NAV3: variants seen among roughly 807,000 people sequenced by gnomAD.
The protein encoded by NAV3 is neuron navigator 3.
NAV3 carries 87 observed loss-of-function variants against 244.7 expected under a neutral mutation model. The ratio of observed to expected loss-of-function variants is 0.36; its 90% CI spans 0.30 to 0.42. The LOEUF (loss-of-function observed/expected upper bound fraction) is 0.42. Ranked by LOEUF, NAV3 falls within the 20% of genes least tolerant of loss-of-function variation. NAV3 has a pLI of 1.00. For synonymous variants in NAV3, 1,126 were observed against 1,042.2 expected (o/e 1.08, Z -1.55); for missense variants, 2,663 against 2,893.3 (o/e 0.92, Z 1.83).
At chr12:77,956,160 T>C (rs1191980730) in intron 3 of NAV3, among the ~76,000 whole-genome samples, 5 of 152,208 alleles carry the variant, frequency 3.3e-5, no homozygotes, top group Non-Finnish European at 7.3e-5. Context: ...GGATAAATTC[T>C]ATGTAATTAC....
At chr12:78,067,212 T>A (rs1239069712) in intron 12 of NAV3, among the ~76,000 whole-genome samples, 1 of 152,122 alleles carries the variant, frequency 6.6e-6, no homozygotes, top group Non-Finnish European at 1.5e-5. Flanking sequence ...ATTAGTATAC[T>A]CCCATGTCTT....
At chr12:78,163,853 A>G (rs1467040797) in intron 23 of NAV3, among the ~76,000 whole-genome samples, 1 of 152,024 alleles carries the variant, frequency 6.6e-6, no homozygotes. Context: ...CTTCACCAGC[A>G]CTTCTTCACC....
Position 78,210,469 on chromosome 12 carries a change from C to T in NAV3, c.7110C>T (p.Thr2370=), listed in dbSNP as rs2140140049. 6.2e-7 allele frequency: 1 copy of T among 1,613,822 alleles called. No homozygotes were observed. Among genetic ancestry groups the T allele is most frequent in the Non-Finnish European group, 8.5e-7 (1 of 1,179,870 alleles). ...CACAAAGCTGCGACAGCGAAAGCAC[C>T]AGCCACCATGAAGACATTTTGGATT... The part of the protein sequence containing the change: ...SSTQSCDSES[T]SHHEDILDSS... Residue 2370 remains threonine (T), a synonymous_variant, in exon 40 of 40, where the codon ACC becomes ACT. Coordinates refer to ENST00000397909, the MANE Select transcript of NAV3 (RefSeq NM_001024383.2).
At chr12:77,850,039 AT>A (rs1439664322) in intron 1 of NAV3, among the ~76,000 whole-genome samples, 2 of 152,178 alleles carry the variant, frequency 1.3e-5, no homozygotes, top group African/African-American at 4.8e-5. Context: ...CGTCCCATTT[AT>A]TGATAATTAT....
intron 2 of NAV3, among the ~76,000 whole-genome samples, chr12:77,621,463 T>C (rs1871365840): frequency 6.6e-6 from 1 of 151,780 alleles, no homozygotes; most frequent in Non-Finnish European, 1.5e-5. Flanking sequence ...CTCTACCTCT[T>C]TTTTTTCTCT....
chr12:78,020,106 C>A (rs181886651), intron 8 of NAV3, among the ~76,000 whole-genome samples: 3 of 152,266 alleles, frequency 2.0e-5, no homozygotes, highest in Non-Finnish European at 1.5e-5. Context: ...TTGCTGAACT[C>A]CCGCTTCTGC....
intron 1 of NAV3, among the ~76,000 whole-genome samples, chr12:77,879,685 C>CAAAAAAAAAAA (rs72076222): frequency 5.9e-5 from 5 of 85,044 alleles, no homozygotes; most frequent in African/African-American, 8.8e-5. Flanking sequence ...AACTCCATCT[C>CAAAAAAAAAAA]AAAAAAAAAA....
At chr12:77,884,926 C>T (rs1883099100) in intron 1 of NAV3, among the ~76,000 whole-genome samples, 1 of 152,032 alleles carries the variant, frequency 6.6e-6, no homozygotes, top group South Asian at 2.1e-4. Context: ...ATGAATTTCT[C>T]CCATTTTCAG....
chr12:78,021,670 T>C, intron 8 of NAV3, 77 bp from the exon 9 acceptor site: 2 of 972,422 alleles, frequency 2.1e-6, no homozygotes, highest in African/African-American at 3.3e-5. Context: ...AATTAATATT[T>C]CTTGTAGAAC....
chr12:77,965,474 C>A lies in NAV3; in HGVS notation c.415-755C>A, dbSNP rs371386215. On this transcript the variant is annotated intron_variant, in intron 3 of 39. Transcript: ENST00000397909. ...TCTCTATAAAAATATAAAAAATTAG[C>A]GGGGCGTGGTGGCGTGCGCCTGTAG... 7.2e-5 allele frequency among the ~76,000 whole-genome samples: 11 copies of A among 152,128 alleles called. No individual in the cohort carries two copies. The East Asian group carries it at 1.9e-3, about 27-fold the overall frequency.
At chr12:77,600,884 G>T (rs766762447) in intron 2 of NAV3, among the ~76,000 whole-genome samples, 3 of 151,870 alleles carry the variant, frequency 2.0e-5, no homozygotes, top group Non-Finnish European at 4.4e-5. Flanking sequence ...CCTTAAAGTG[G>T]CAGGCTTCTG....
At chr12:77,890,002 A>G (rs1210488223) in intron 1 of NAV3, among the ~76,000 whole-genome samples, 1 of 152,216 alleles carries the variant, frequency 6.6e-6, no homozygotes, top group Non-Finnish European at 1.5e-5. Context: ...CAAAACCAGT[A>G]GGTGAGGGAA....
At chr12:78,111,440 A>T (rs971977824) in intron 12 of NAV3, among the ~76,000 whole-genome samples, 2 of 152,132 alleles carry the variant, frequency 1.3e-5, no homozygotes, top group Non-Finnish European at 2.9e-5. Context: ...ACCCAATAAA[A>T]ATGTGGTCAA....
At chr12:77,627,127 A>T (rs1871666048) in intron 2 of NAV3, among the ~76,000 whole-genome samples, 1 of 152,152 alleles carries the variant, frequency 6.6e-6, no homozygotes, top group Non-Finnish European at 1.5e-5. Flanking sequence ...CAACAACTAT[A>T]TGCTGCCTAT....
At chr12:77,737,162 C>A (rs1315839641) in intron 2 of NAV3, among the ~76,000 whole-genome samples, 1 of 149,788 alleles carries the variant, frequency 6.7e-6, no homozygotes, top group African/African-American at 2.5e-5. Flanking sequence ...GTTGATGTTT[C>A]TGTTGGTGTT....
At chr12:78,162,898 A>T (rs1480380864) in intron 23 of NAV3, among the ~76,000 whole-genome samples, 1 of 130,216 alleles carries the variant, frequency 7.7e-6, no homozygotes, top group African/African-American at 2.6e-5. Flanking sequence ...TATAATATAT[A>T]TATAAATATA....
In NAV3 at chr12:77,611,762, A is replaced by G. The variant is rs559976518; in HGVS notation, c.72+39496A>G. 3.3e-5 allele frequency among the ~76,000 whole-genome samples: 5 copies of G among 152,206 alleles called. No individual in the cohort carries two copies. The East Asian group carries it at 9.7e-4, about 29-fold the overall frequency. On this transcript the variant is annotated intron_variant, in intron 2 of 8. Transcript: ENST00000550042. ...GATGAGCAAAAAGTGCTTTAATAAA[A>G]GTAAATAATTGAGTATGGGTTATTA...
At chr12:78,070,894 A>C (rs1247758391) in intron 12 of NAV3, among the ~76,000 whole-genome samples, 1 of 147,944 alleles carries the variant, frequency 6.8e-6, no homozygotes, top group African/African-American at 2.5e-5. Context: ...ATCATTTTTT[A>C]TGGCTGCATA....
At chr12:78,069,504 G>A (rs1278400730) in intron 12 of NAV3, among the ~76,000 whole-genome samples, 1 of 151,582 alleles carries the variant, frequency 6.6e-6, no homozygotes, top group Non-Finnish European at 1.5e-5. Context: ...ATAGTACCCT[G>A]CTTTCTTCAC....
Sources: allele counts gnomAD v4.1 joint callset (sites outside exome capture counted in the v4.1 genomes callset), GRCh38; gene constraint gnomAD v4.1.1; transcripts MANE v1.5; gene names NCBI Gene and HGNC (gene_info 2026-07-23, HGNC 2026-07-21).